The following GSK3B variants were observed in gnomAD, a reference collection of about 807,000 sequenced individuals.
The protein encoded by GSK3B is glycogen synthase kinase 3 beta, also known as glycogen synthase kinase-3 beta.
Under a neutral mutation model 56.4 loss-of-function variants are expected in GSK3B, and 15 were observed. The ratio of observed to expected loss-of-function variants is 0.27; its 90% CI spans 0.18 to 0.41. The LOEUF (loss-of-function observed/expected upper bound fraction) is 0.41, where lower values mean the gene tolerates loss of function less well. Among genes scored for constraint, GSK3B ranks in the 10% least tolerant of loss-of-function variants. GSK3B has a pLI of 1.00. For synonymous variants in GSK3B, 181 were observed against 188.9 expected (o/e 0.96, Z 0.34); for missense variants, 300 against 513.4 (o/e 0.58, Z 4.02).
chr3:119,905,990 A>G, intron 6 of GSK3B, 138 bp from the exon 7 acceptor site: 1 of 600,234 alleles, frequency 1.7e-6, no homozygotes, highest in Non-Finnish European at 3.0e-6. Context: ...ACAGAGAAAA[A>G]GTCATCAAAC....
Position 119,863,993 on chromosome 3 carries a change from G to A in GSK3B, c.910-388C>T, listed in dbSNP as rs567798182. ...CCTCTTTTGCATTGTTTTTTTAGCC[G>A]AACAATTGTTAATGATGAGCAGCAC... On this transcript the variant is annotated intron_variant, in intron 8 of 10. Transcript: ENST00000264235. 5.5e-4 allele frequency among the ~76,000 whole-genome samples: 84 copies of A among 152,082 alleles called. 2 individuals are homozygous for A. The highest frequency in any genetic ancestry group is 1.8e-3 in the African/African-American group (75 of 41,484).
intron 1 of GSK3B, among the ~76,000 whole-genome samples, chr3:120,018,275 G>A (rs918526785): frequency 6.6e-6 from 1 of 152,126 alleles, no homozygotes; most frequent in African/African-American, 2.4e-5. Context: ...AACTGCGCAG[G>A]TCCACTTATA....
At chr3:119,957,598 T>C (rs2057227999) in intron 2 of GSK3B, among the ~76,000 whole-genome samples, 1 of 152,202 alleles carries the variant, frequency 6.6e-6, no homozygotes, top group Admixed American at 6.5e-5. Context: ...ACAATAGCAA[T>C]GATGGCACCA....
intron 1 of GSK3B, among the ~76,000 whole-genome samples, chr3:120,082,385 C>CT (rs1173737285): frequency 0.12 from 8,212 of 66,164 alleles, 2,218 homozygotes; most frequent in East Asian, 0.23. Context: ...TTAGTATGTT[C>CT]TTTTTTTTTT....
At chr3:119,929,976 G>A (rs939409315) in intron 3 of GSK3B, among the ~76,000 whole-genome samples, 22 of 151,370 alleles carry the variant, frequency 1.5e-4, no homozygotes, top group Admixed American at 9.9e-4. Flanking sequence ...AGCGACTCGG[G>A]AGGCTAAGGT....
chr3:120,059,574 T>C (rs1379755106), intron 1 of GSK3B, among the ~76,000 whole-genome samples: 1 of 152,190 alleles, frequency 6.6e-6, no homozygotes, highest in Non-Finnish European at 1.5e-5. Context: ...CAAAGGAATA[T>C]ACTTACAAAC....
chr3:119,839,616 G>T (rs934007587), intron 10 of GSK3B, among the ~76,000 whole-genome samples: 1 of 152,106 alleles, frequency 6.6e-6, no homozygotes, highest in African/African-American at 2.4e-5. Context: ...ATTCAGTTAT[G>T]GTAGTCTTTT....
In GSK3B at chr3:119,822,273, TTTTG is replaced by T. The variant is rs1037666134; in HGVS notation, c.*4511_*4514del. Reference sequence around the variant, plus strand: ...TATATATATATATATATATAATAAATTTTGTTTTTTAGGTTTGTTTTTAAGATGG... The same window carrying T: ...TATATATATATATATATATAATAAATTTTTTTAGGTTTGTTTTTAAGATGG... On this transcript the variant is annotated 3_prime_UTR_variant, in exon 11 of 11. Transcript: ENST00000264235. 2.8e-5 allele frequency: 5 copies of T among 176,002 alleles called. No homozygotes were observed. Among genetic ancestry groups the T allele is most frequent in the East Asian group, 1.9e-4 (2 of 10,282 alleles). 10.9% of individuals were successfully genotyped at this position (176,002 alleles called of 1,614,324 possible). A position where few individuals can be genotyped will look rare whatever the true frequency, so the allele number is the denominator to read the frequency against.
rs529875154 is a variant in GSK3B at position 119,973,842 on chromosome 3, G to A, written c.283-26491C>T. Among the ~76,000 whole-genome samples, 279 of 152,150 alleles carry A rather than the reference G, an allele frequency of 1.8e-3. 1 individual carries two copies. The highest frequency in any genetic ancestry group is 0.01 in the Middle Eastern group (3 of 294). ...TTCATGGTTTTAGGCATCCACTGGG[G>A]GTCTTGGAACATACCCCCGAAAGTA... On this transcript the variant is annotated intron_variant, in intron 2 of 10. Coordinates refer to ENST00000264235, the MANE Select transcript of GSK3B (RefSeq NM_001146156.2).
At chr3:119,920,792 A>C (rs1384218823) in intron 4 of GSK3B, among the ~76,000 whole-genome samples, 3 of 152,066 alleles carry the variant, frequency 2.0e-5, no homozygotes, top group African/African-American at 7.2e-5. Flanking sequence ...TTAAGTAAAA[A>C]CTCATCGATT....
chr3:120,054,873 G>T (rs561660875), intron 1 of GSK3B, among the ~76,000 whole-genome samples: 1 of 152,264 alleles, frequency 6.6e-6, no homozygotes, highest in South Asian at 2.1e-4. Flanking sequence ...TGTTTTGTTG[G>T]AAGTAGGGCT....
intron 9 of GSK3B, among the ~76,000 whole-genome samples, chr3:119,858,014 A>G (rs2056044580): frequency 6.6e-6 from 1 of 152,218 alleles, no homozygotes; most frequent in African/African-American, 2.4e-5. Context: ...AGGTCTCAAC[A>G]GTGGGCTTCA....
chr3:120,043,658 T>C (rs746148972), intron 1 of GSK3B, among the ~76,000 whole-genome samples: 5 of 152,116 alleles, frequency 3.3e-5, no homozygotes, highest in Non-Finnish European at 5.9e-5. Flanking sequence ...CAACCTAAAA[T>C]CTTACCTCCA....
At chr3:119,945,725 C>T (rs143637035) in intron 3 of GSK3B, among the ~76,000 whole-genome samples, 2 of 152,298 alleles carry the variant, frequency 1.3e-5, no homozygotes, top group African/African-American at 2.4e-5. Context: ...ATGCTATATA[C>T]ATTAAAGTAA....
chr3:119,888,426 G>A (rs1343322310), intron 7 of GSK3B, among the ~76,000 whole-genome samples: 1 of 151,900 alleles, frequency 6.6e-6, no homozygotes, highest in Non-Finnish European at 1.5e-5. Flanking sequence ...TTTTAATATG[G>A]ACATTTATCA....
chr3:120,057,437 G>C (rs1335488701), intron 1 of GSK3B, among the ~76,000 whole-genome samples: 1 of 152,062 alleles, frequency 6.6e-6, no homozygotes, highest in African/African-American at 2.4e-5. Flanking sequence ...GTAAAGTTCT[G>C]CTACGAAAAT....
intron 7 of GSK3B, among the ~76,000 whole-genome samples, chr3:119,903,988 G>T (rs1042993581): frequency 1.3e-5 from 2 of 152,032 alleles, no homozygotes; most frequent in Non-Finnish European, 1.5e-5. Flanking sequence ...TCAATTTGAT[G>T]ATTAGAAAGT....
chr3:119,978,020 A>C (rs910474755), intron 2 of GSK3B, among the ~76,000 whole-genome samples: 2 of 152,194 alleles, frequency 1.3e-5, no homozygotes, highest in Admixed American at 6.5e-5. Context: ...CAGGCAGTGA[A>C]ATTGAGGGTC....
At chr3:119,845,905 A>G (rs1462415464) in intron 9 of GSK3B, among the ~76,000 whole-genome samples, 1 of 151,684 alleles carries the variant, frequency 6.6e-6, no homozygotes, top group Non-Finnish European at 1.5e-5. Context: ...CAAAGGCTAC[A>G]AGGCTACAGT....
Sources: gnomAD v4.1 joint callset for allele counts (sites outside exome capture counted in the v4.1 genomes callset) on GRCh38, gnomAD v4.1.1 for gene constraint, MANE v1.5 for transcripts, NCBI Gene and HGNC (gene_info 2026-07-23, HGNC 2026-07-21) for gene names.